Variants in ITGBL1 observed in about 807,000 individuals in gnomAD.
ITGBL1 encodes the protein integrin subunit beta like 1, also known as integrin beta-like protein 1.
A neutral mutation model predicts 68.5 loss-of-function variants in ITGBL1; 51 were observed. The observed-to-expected ratio is 0.74, with a 90% confidence interval of 0.59 to 0.94. ITGBL1 has a LOEUF of 0.94. ITGBL1 is among the 40% of genes least tolerant of loss of function. The pLI is 0.00. For synonymous variants in ITGBL1, 209 were observed against 227.3 expected, an observed-to-expected ratio of 0.92 and a Z score of 0.72; for missense variants, 649 against 647.4, an observed-to-expected ratio of 1.00 and a Z score of -0.03.
chr13:101,593,209 C>G (rs1025887670), intron 6 of ITGBL1, among the ~76,000 whole-genome samples: 1 of 151,776 alleles, frequency 6.6e-6, no homozygotes, highest in African/African-American at 2.4e-5. Context: ...TGAGATACCT[C>G]TTCACTCCAG....
At chr13:101,688,925 A>G (rs1254824804) in intron 7 of ITGBL1, among the ~76,000 whole-genome samples, 1 of 152,074 alleles carries the variant, frequency 6.6e-6, no homozygotes, top group Non-Finnish European at 1.5e-5. Flanking sequence ...ATTGCCGGGC[A>G]TAGTGGCTCA....
At chr13:101,559,330 A>C (rs1023519820) in intron 2 of ITGBL1, among the ~76,000 whole-genome samples, 3 of 152,210 alleles carry the variant, frequency 2.0e-5, no homozygotes, top group African/African-American at 7.2e-5. Context: ...GATGAAGGGA[A>C]TCTTGGGGCT....
chr13:101,478,567 T>G (rs1398379136), intron 2 of ITGBL1, among the ~76,000 whole-genome samples: 1 of 152,044 alleles, frequency 6.6e-6, no homozygotes, highest in Non-Finnish European at 1.5e-5. Flanking sequence ...TGATATGATC[T>G]TATGCTTAGA....
At chr13:101,668,915 A>C (rs2033288343) in intron 7 of ITGBL1, among the ~76,000 whole-genome samples, 1 of 152,150 alleles carries the variant, frequency 6.6e-6, no homozygotes, top group African/African-American at 2.4e-5. Flanking sequence ...TCACATTAAA[A>C]ATTTGTTCTA....
rs752361237 is a variant in ITGBL1 at position 101,714,424 on chromosome 13, CT to C, written c.1280-11del. 1 of 1,455,822 alleles carries C rather than the reference CT, an allele frequency of 6.9e-7. No individual in the cohort carries two copies. The highest frequency in any genetic ancestry group is 1.4e-5 in the African/African-American group (1 of 72,112). 90.2% of individuals were successfully genotyped at this position (1,455,822 alleles called of 1,614,324 possible). A position where few individuals can be genotyped will look rare whatever the true frequency, so the allele number is the denominator to read the frequency against. On this transcript the variant is annotated splice_polypyrimidine_tract_variant and intron_variant, in intron 9 of 10. Transcript: ENST00000376180. Reference sequence around the variant, plus strand: ...TTATAAGGTGATGGTGAGTAATAGCCTTTGTAATTTCAGGTTCTTGTCATTG... The same window carrying C: ...TTATAAGGTGATGGTGAGTAATAGCCTTGTAATTTCAGGTTCTTGTCATTG...
In ITGBL1 at chr13:101,490,288, A is replaced by ACTGAAT. The variant is rs371012204; in HGVS notation, c.316+36191_316+36196dup. 2.3e-4 allele frequency among the ~76,000 whole-genome samples: 35 copies of ACTGAAT among 152,278 alleles called. No homozygotes were observed. In the East Asian group the frequency reaches 6.8e-3, roughly 29 times the overall value. On this transcript the variant is annotated intron_variant, in intron 2 of 10. Transcript: ENST00000376180. ...GCCAGGAAGAGAGCCCTCACCAAGA[A>ACTGAAT]CTGAATCTTCCCGCACTTTGTTCTT...
At chr13:101,526,441 C>T (rs1386613909) in intron 2 of ITGBL1, among the ~76,000 whole-genome samples, 1 of 151,980 alleles carries the variant, frequency 6.6e-6, no homozygotes, top group Non-Finnish European at 1.5e-5. Context: ...CCCAAATGCC[C>T]ATCAATGATA....
At chr13:101,477,502 G>A (rs1404489352) in intron 2 of ITGBL1, among the ~76,000 whole-genome samples, 2 of 151,644 alleles carry the variant, frequency 1.3e-5, no homozygotes, top group African/African-American at 4.8e-5. Context: ...AAATAAATGA[G>A]ATCAAATTAA....
chr13:101,644,766 C>T (rs1555364220), intron 7 of ITGBL1, among the ~76,000 whole-genome samples: 2 of 152,008 alleles, frequency 1.3e-5, no homozygotes, highest in Non-Finnish European at 2.9e-5. Context: ...AATATTTACT[C>T]ATTTATGTGA....
At chr13:101,713,000 C>A (rs140777328) in intron 9 of ITGBL1, 2 of 152,192 alleles carry the variant, frequency 1.3e-5, no homozygotes, top group East Asian at 3.9e-4. Context: ...CAACCTGGAC[C>A]CTCAGGAAAA....
chr13:101,720,459 A>AGACTT (rs2034892346), downstream of ITGBL1: 1 of 152,096 alleles, frequency 6.6e-6, no homozygotes, highest in East Asian at 1.9e-4. Context: ...ACCAATAAAC[A>AGACTT]GACTTGCAGG....
chr13:101,712,912 G>A (rs991097869), intron 9 of ITGBL1: 4 of 152,114 alleles, frequency 2.6e-5, no homozygotes, highest in African/African-American at 9.7e-5. Flanking sequence ...CAGCTCACTG[G>A]GTCCTGAGAA....
rs190912804 is a variant in ITGBL1, at chr13:101,591,840, C to T, written c.869-6313C>T. Among the ~76,000 whole-genome samples, 6 of 152,156 alleles carry T rather than the reference C, an allele frequency of 3.9e-5. No individual in the cohort carries two copies. In the East Asian group the frequency reaches 7.7e-4, roughly 20 times the overall value. On this transcript the variant is annotated intron_variant, in intron 6 of 10. Transcript: ENST00000376180. ...AGAAATCTACTTTGTTCTATATCTG[C>T]GGTGATGAGTAGCTTCATGTTTATT...
At chr13:101,534,664 C>A (rs2049540870) in intron 2 of ITGBL1, among the ~76,000 whole-genome samples, 1 of 152,076 alleles carries the variant, frequency 6.6e-6, no homozygotes, top group Non-Finnish European at 1.5e-5. Flanking sequence ...CCTGTTAGCA[C>A]TGAAAAGGCT....
intron 2 of ITGBL1, among the ~76,000 whole-genome samples, chr13:101,542,658 T>A (rs1452133280): frequency 1.3e-5 from 2 of 152,214 alleles, no homozygotes; most frequent in Non-Finnish European, 2.9e-5. Flanking sequence ...CAGTGGGGTA[T>A]TAAAATCTCC....
Position 101,707,374 on chromosome 13 carries a change from A to C in ITGBL1, c.1279+472A>C, listed in dbSNP as rs961841888. ...TGTATGTGGAGCAGGGGAAGATTGA[A>C]GGTGTGAGAAGACATAAAAGGAGAC... On this transcript the variant is annotated intron_variant, in intron 9 of 10. Transcript: ENST00000376180. Among the ~76,000 whole-genome samples the C allele has an allele frequency of 4.3e-4, 65 of 152,170 alleles. 1 individual carries two copies. Among genetic ancestry groups the C allele is most frequent in the Non-Finnish European group, 1.0e-4 (7 of 68,028 alleles).
chr13:101,620,567 C>T (rs969168371), intron 7 of ITGBL1, among the ~76,000 whole-genome samples: 1 of 152,042 alleles, frequency 6.6e-6, no homozygotes, highest in African/African-American at 2.4e-5. Flanking sequence ...CATTTCTATA[C>T]CCTGAAAAGC....
At chr13:101,558,083 CAAAAAAAAAAAAA>C (rs568103738) in intron 2 of ITGBL1, among the ~76,000 whole-genome samples, 42 of 71,688 alleles carry the variant, frequency 5.9e-4, no homozygotes, top group African/African-American at 1.9e-3. Context: ...AACTCCGTCT[CAAAAAAAAAAAAA>C]AAAAAAAAAA....
intron 7 of ITGBL1, among the ~76,000 whole-genome samples, chr13:101,654,692 C>G (rs12428274): frequency 0.14 from 22,018 of 152,066 alleles, 1,965 homozygotes; most frequent in East Asian, 0.25. Context: ...GTTCAATACA[C>G]ACGTCTGAAA....
Sources: allele counts gnomAD v4.1 joint callset (sites outside exome capture counted in the v4.1 genomes callset), GRCh38; gene constraint gnomAD v4.1.1; transcripts MANE v1.5; gene names NCBI Gene and HGNC (gene_info 2026-07-23, HGNC 2026-07-21).